ZHX3: variants seen among roughly 807,000 people sequenced by gnomAD.
ZHX3 encodes zinc fingers and homeoboxes 3, also known as zinc fingers and homeoboxes protein 3.
In ZHX3, 20 loss-of-function variants were observed where a neutral mutation model predicts 64.5. The ratio of observed to expected loss-of-function variants is 0.31; its 90% CI spans 0.22 to 0.45. The LOEUF is 0.45. ZHX3 is among the 20% of genes least tolerant of loss of function. The pLI is 1.00. For synonymous variants in ZHX3, 423 were observed against 461.6 expected, an observed-to-expected ratio of 0.92 and a Z score of 1.07; for missense variants, 1,041 against 1,195.8, an observed-to-expected ratio of 0.87 and a Z score of 1.91.
rs528414249 is a variant in ZHX3 at position 41,312,175 on chromosome 20, G to A, written c.-245+5334C>T. The stretch of plus-strand genomic sequence containing the variant: ...CACTCTGTAGCCAGGATTGTAAAAC[G>A]CACCAATCGGCACCCTGTAGCTAGC... On this transcript the variant is annotated intron_variant, in intron 1 of 3. Transcript: ENST00000683867. Among the ~76,000 whole-genome samples the A allele has an allele frequency of 9.2e-5, 14 of 152,176 alleles. No homozygotes were observed. The South Asian group carries it at 2.9e-3, about 32-fold the overall frequency.
chr20:41,282,361 C>CTTTTTTTTTTTTTTTTTTTTTTTT (rs568284480), intron 1 of ZHX3, among the ~76,000 whole-genome samples: 2 of 97,212 alleles, frequency 2.1e-5, no homozygotes, highest in Non-Finnish European at 3.9e-5. Flanking sequence ...CACAATTCAT[C>CTTTTTTTTTTTTTTTTTTTTTTTT]TTTTTTTTTT....
At position 41,203,229 on chromosome 20, in the gene ZHX3, T is replaced by C. The variant is rs752824251; in HGVS notation, c.1688A>G (p.His563Arg). 3 of 1,614,082 alleles carry C rather than the reference T, an allele frequency of 1.9e-6. No individual in the cohort carries two copies. Among genetic ancestry groups the C allele is most frequent in the African/African-American group, 2.7e-5 (2 of 74,918 alleles). Residue 563 changes from histidine (H) to arginine (R), a missense_variant, in exon 3 of 4, where the codon CAC (histidine) becomes CGC (arginine). His to Arg is a conservative substitution (Grantham distance 29). Transcript: ENST00000683867. The surrounding 1 kb of genome is among the most constrained non-coding windows in gnomAD (Gnocchi z 7.1). The part of the protein sequence containing the change: ...KGSRAMIPGD[H>R]SSIIIDSVPE... Reference sequence around the variant, plus strand: ...CACAGAGTCAATGATGATGGAACTGTGATCTCCAGGTATCATCGCTCTGGA... The same window carrying C: ...CACAGAGTCAATGATGATGGAACTGCGATCTCCAGGTATCATCGCTCTGGA...
chr20:41,287,136 A>C (rs2043975431), intron 1 of ZHX3, among the ~76,000 whole-genome samples: 1 of 152,174 alleles, frequency 6.6e-6, no homozygotes, highest in Non-Finnish European at 1.5e-5. Flanking sequence ...CCTTTGACTT[A>C]CTATTCATTC....
At chr20:41,246,771 G>T (rs1001495027) in intron 2 of ZHX3, among the ~76,000 whole-genome samples, 1 of 151,714 alleles carries the variant, frequency 6.6e-6, no homozygotes, top group Non-Finnish European at 1.5e-5. Flanking sequence ...TACTCGGAAG[G>T]CCAAAGCAGG....
chr20:41,200,679 T>C lies in ZHX3; in HGVS notation c.2860+1378A>G, dbSNP rs190867809. ...CAGGGCTTTGGGCTCCACCAGGTGT[T>C]TGCTCTCACTGTGGGCTTTGTGGAA... On this transcript the variant is annotated intron_variant, in intron 3 of 3. Coordinates refer to ENST00000683867, the MANE Select transcript of ZHX3 (RefSeq NM_001384317.1). This position sits in a 1 kb window ranked among gnomAD's most constrained non-coding sequence, Gnocchi z 4.2. 2.6e-5 allele frequency among the ~76,000 whole-genome samples: 4 copies of C among 152,330 alleles called. No homozygotes were observed. Among genetic ancestry groups the C allele is most frequent in the African/African-American group, 9.6e-5 (4 of 41,588 alleles).
intron 1 of ZHX3, chr20:41,299,900 C>T (rs2044736289): frequency 7.0e-6 from 1 of 142,268 alleles, no homozygotes; most frequent in Admixed American, 7.0e-5. Flanking sequence ...AAAAGCCAAG[C>T]ATGAGAGTTT....
chr20:41,270,937 G>A (rs1300737285), intron 1 of ZHX3, among the ~76,000 whole-genome samples: 2 of 152,026 alleles, frequency 1.3e-5, no homozygotes, highest in East Asian at 1.9e-4. Flanking sequence ...TTATCCTTTG[G>A]GAGGCTGAGA....
At chr20:41,192,708 T>A (rs1376496920) in intron 3 of ZHX3, among the ~76,000 whole-genome samples, 1 of 152,252 alleles carries the variant, frequency 6.6e-6, no homozygotes, top group Non-Finnish European at 1.5e-5. Context: ...ACTCAGGGAC[T>A]CCAGGACAGT....
chr20:41,315,402 C>T (rs2045260972), intron 1 of ZHX3, among the ~76,000 whole-genome samples: 1 of 139,360 alleles, frequency 7.2e-6, no homozygotes, highest in Admixed American at 7.7e-5. Context: ...ACCATGCTGG[C>T]CGGGCTGGTC....
chr20:41,244,971 GAGA>G (rs2041603735), intron 2 of ZHX3, among the ~76,000 whole-genome samples: 1 of 152,180 alleles, frequency 6.6e-6, no homozygotes, highest in Non-Finnish European at 1.5e-5. Context: ...GTAGAGATGA[GAGA>G]ATTCTGAGGT....
Position 41,185,151 on chromosome 20 carries a change from T to C in ZHX3, c.*40A>G, listed in dbSNP as rs2036412565. The stretch of plus-strand genomic sequence containing the variant: ...TTGGCTCTTCCACGTGGCAGGCGGT[T>C]TCCCAGACTGGCCAGTCCTTCACAT... On this transcript the variant is annotated 3_prime_UTR_variant, in exon 4 of 4. Coordinates refer to ENST00000683867, the MANE Select transcript of ZHX3 (RefSeq NM_001384317.1). The surrounding 1 kb of genome is among the most constrained non-coding windows in gnomAD (Gnocchi z 5.0). The C allele has an allele frequency of 3.7e-6, 6 of 1,602,974 alleles. No homozygotes were observed. Among genetic ancestry groups the C allele is most frequent in the Admixed American group, 1.7e-5 (1 of 58,602 alleles).
At chr20:41,194,903 C>T (rs1260626925) in intron 3 of ZHX3, among the ~76,000 whole-genome samples, 1 of 152,070 alleles carries the variant, frequency 6.6e-6, no homozygotes, top group Middle Eastern at 3.2e-3. Context: ...GAAAATGTAA[C>T]ATCCCCTCTT....
In ZHX3 at chr20:41,180,289, G is replaced by A. The variant is rs930565280; in HGVS notation, c.*4902C>T. On this transcript the variant is annotated 3_prime_UTR_variant, in exon 4 of 4. Coordinates refer to ENST00000683867, the MANE Select transcript of ZHX3 (RefSeq NM_001384317.1). Reference sequence around the variant, plus strand: ...AGCAACAACAAGCTAGTACCTATATGTTCTTTATCATCCTCAAAGTCCTGC... The same window carrying A: ...AGCAACAACAAGCTAGTACCTATATATTCTTTATCATCCTCAAAGTCCTGC... 1 of 152,674 alleles carries A rather than the reference G, an allele frequency of 6.5e-6. No individual in the cohort carries two copies. The highest frequency in any genetic ancestry group is 1.5e-5 in the Non-Finnish European group (1 of 68,058). The allele number at this position is 152,674 out of a possible 1,614,324, so 9.5% of individuals were successfully genotyped here.
chr20:41,194,254 G>A (rs979142695), intron 3 of ZHX3, among the ~76,000 whole-genome samples: 4 of 152,012 alleles, frequency 2.6e-5, no homozygotes, highest in Non-Finnish European at 1.5e-5. Context: ...TCATCATATT[G>A]TCATATTCCT....
intron 1 of ZHX3, among the ~76,000 whole-genome samples, chr20:41,296,232 TAAAAAAAAAAAAAAAAAAAAAAAA>T (rs57987896): frequency 2.7e-5 from 2 of 72,966 alleles, no homozygotes; most frequent in Admixed American, 1.5e-4. Flanking sequence ...GTTCATAAAG[TAAAAAAAAAAAAAAAAAAAAAAAA>T]AAAAAAAAAA....
intron 2 of ZHX3, among the ~76,000 whole-genome samples, chr20:41,218,202 G>T (rs889258625): frequency 6.6e-5 from 10 of 151,626 alleles, no homozygotes; most frequent in African/African-American, 2.2e-4. Context: ...CCAGCACTTT[G>T]GGAGGCCAAG....
At chr20:41,187,769 CTT>C (rs2036649191) in intron 3 of ZHX3, among the ~76,000 whole-genome samples, 1 of 152,108 alleles carries the variant, frequency 6.6e-6, no homozygotes, top group African/African-American at 2.4e-5. Flanking sequence ...TCTATATAAA[CTT>C]TAGGATGGAT....
chr20:41,206,730 A>G (rs778351897), intron 2 of ZHX3, among the ~76,000 whole-genome samples: 124 of 152,354 alleles, frequency 8.1e-4, no homozygotes, highest in Non-Finnish European at 6.9e-4. Context: ...ACTCTTCAGG[A>G]TATTATCCAG....
At chr20:41,267,615 A>G (rs993130019) in intron 2 of ZHX3, 2 of 152,254 alleles carry the variant, frequency 1.3e-5, no homozygotes, top group African/African-American at 2.4e-5. Context: ...GATAAATGCT[A>G]TAGAAAAAAT....
Sources: allele counts gnomAD v4.1 joint callset (sites outside exome capture counted in the v4.1 genomes callset), GRCh38; gene constraint gnomAD v4.1.1; non-coding constraint Gnocchi (gnomAD v3.1); transcripts MANE v1.5; gene names NCBI Gene and HGNC (gene_info 2026-07-23, HGNC 2026-07-21).